The following LARGE1 variants were observed in gnomAD, a reference collection of about 807,000 sequenced individuals.
The protein encoded by LARGE1 is LARGE xylosyl- and glucuronyltransferase 1, also known as xylosyl- and glucuronyltransferase LARGE1.
LARGE1 carries 43 observed loss-of-function variants against 87.6 expected under a neutral mutation model. The observed-to-expected ratio is 0.49, with a 90% CI of 0.38 to 0.63. The LOEUF (loss-of-function observed/expected upper bound fraction) is 0.63. LARGE1 is among the 30% of genes least tolerant of loss of function. LARGE1 has a pLI of 0.00. For synonymous variants in LARGE1, 434 were observed against 394.6 expected (o/e 1.10, Z -1.18); for missense variants, 802 against 1,000.2 (o/e 0.80, Z 2.67).
chr22:33,462,910 T>G (rs1262293738), intron 6 of LARGE1, among the ~76,000 whole-genome samples: 3 of 152,222 alleles, frequency 2.0e-5, no homozygotes, highest in Non-Finnish European at 4.4e-5. Context: ...AAGGAGGCGA[T>G]TAAACTTTCT....
intron 5 of LARGE1, among the ~76,000 whole-genome samples, chr22:33,600,875 G>A (rs2079095538): frequency 6.6e-6 from 1 of 152,088 alleles, no homozygotes; most frequent in Admixed American, 6.5e-5. Flanking sequence ...GACCAACCTG[G>A]CCAACTTGGT....
At chr22:33,327,802 C>CA (rs1246053762) in intron 10 of LARGE1, among the ~76,000 whole-genome samples, 3 of 152,178 alleles carry the variant, frequency 2.0e-5, no homozygotes, top group Non-Finnish European at 4.4e-5. Context: ...CTCAGCCTCT[C>CA]AAAGTGCTGG....
chr22:33,710,099 C>G (rs1313878578), intron 2 of LARGE1, among the ~76,000 whole-genome samples: 1 of 151,402 alleles, frequency 6.6e-6, no homozygotes, highest in Non-Finnish European at 1.5e-5. Context: ...GTTTGAGTAG[C>G]TATACGAGCA....
At chr22:33,778,921 G>T (rs950794132) in intron 1 of LARGE1, among the ~76,000 whole-genome samples, 2 of 152,248 alleles carry the variant, frequency 1.3e-5, no homozygotes, top group South Asian at 4.1e-4. Flanking sequence ...AAAGTGCTGG[G>T]ATTACCAGCG....
intron 2 of LARGE1, among the ~76,000 whole-genome samples, chr22:33,708,623 CAG>C (rs2056096469): frequency 1.3e-5 from 2 of 152,206 alleles, no homozygotes; most frequent in South Asian, 4.1e-4. Flanking sequence ...GTGTAGGAGA[CAG>C]AGTCTCGCTC....
chr22:33,129,982 T>G, the LARGE1 span, among the ~76,000 whole-genome samples: 1 of 152,156 alleles, frequency 6.6e-6, no homozygotes, highest in Non-Finnish European at 1.5e-5. Context: ...TAAAAGCGTA[T>G]GTGAGCTCTA....
the LARGE1 span, chr22:33,110,710 A>C: frequency 6.6e-6 from 1 of 151,926 alleles, no homozygotes; most frequent in African/African-American, 2.4e-5. Flanking sequence ...AACTGGGGCT[A>C]CTCCCCAATC....
intron 7 of LARGE1, among the ~76,000 whole-genome samples, chr22:33,388,851 G>T (rs1341385406): frequency 4.0e-5 from 6 of 151,624 alleles, no homozygotes; most frequent in Non-Finnish European, 8.8e-5. Context: ...TTACAGGTGT[G>T]AGCCACCACG....
chr22:33,830,357 C>T (rs562893170), intron 1 of LARGE1, among the ~76,000 whole-genome samples: 12 of 152,270 alleles, frequency 7.9e-5, no homozygotes, highest in Non-Finnish European at 1.8e-4. Context: ...AGGGAGCTGG[C>T]TGCTGTCGAG....
At chr22:33,918,005 G>T (rs1601915284) in intron 1 of LARGE1, among the ~76,000 whole-genome samples, 2 of 152,134 alleles carry the variant, frequency 1.3e-5, no homozygotes, top group African/African-American at 2.4e-5. Context: ...ACTGTAGGTG[G>T]CTGAAGGATG....
At chr22:33,921,869 G>A (rs1008586899), upstream of LARGE1, among the ~76,000 whole-genome samples, 1 of 152,036 alleles carries the variant, frequency 6.6e-6, no homozygotes, top group Non-Finnish European at 1.5e-5. This position sits in a 1 kb window ranked among gnomAD's most constrained non-coding sequence, Gnocchi z 4.1. Flanking sequence ...ACAGGAGCGG[G>A]GGTGTGAGAA....
intron 4 of LARGE1, among the ~76,000 whole-genome samples, chr22:33,616,604 T>C (rs1031658923): frequency 1.3e-5 from 2 of 151,834 alleles, no homozygotes; most frequent in African/African-American, 4.8e-5. Context: ...CAATGGGGTA[T>C]ATTCATACAA....
intron 1 of LARGE1, among the ~76,000 whole-genome samples, chr22:33,903,318 T>A (rs1282501445): frequency 6.6e-6 from 1 of 152,170 alleles, no homozygotes; most frequent in Non-Finnish European, 1.5e-5. Flanking sequence ...AACACCCTGA[T>A]CTCAGACTTC....
chr22:33,832,404 C>CCAAAACA (rs2062996311), intron 1 of LARGE1, among the ~76,000 whole-genome samples: 1 of 152,104 alleles, frequency 6.6e-6, no homozygotes, highest in Non-Finnish European at 1.5e-5. Flanking sequence ...GTACAGAGGT[C>CCAAAACA]CAAAACACAA....
the LARGE1 span, among the ~76,000 whole-genome samples, chr22:33,118,227 A>G: frequency 6.6e-6 from 1 of 152,184 alleles, no homozygotes; most frequent in Admixed American, 6.5e-5. Flanking sequence ...TCATGCCTAT[A>G]ATTCCAGCAG....
At chr22:33,188,108 T>C (rs902860880) in intron 11 of LARGE1, among the ~76,000 whole-genome samples, 14 of 151,852 alleles carry the variant, frequency 9.2e-5, no homozygotes, top group East Asian at 1.9e-4. Flanking sequence ...TCAACTTATA[T>C]GCATCAATTA....
intron 5 of LARGE1, among the ~76,000 whole-genome samples, chr22:33,585,328 C>T (rs930769676): frequency 2.6e-5 from 4 of 152,164 alleles, no homozygotes; most frequent in Admixed American, 2.6e-4. Flanking sequence ...TGAAAACACA[C>T]AGACACACAC....
chr22:33,772,744 T>C (rs564757642), intron 1 of LARGE1, among the ~76,000 whole-genome samples: 2 of 152,204 alleles, frequency 1.3e-5, no homozygotes, highest in South Asian at 2.1e-4. Flanking sequence ...GCTTAATCGC[T>C]GCTGCGCCCA....
At chr22:33,898,962 T>C (rs999771465) in intron 1 of LARGE1, among the ~76,000 whole-genome samples, 1 of 152,182 alleles carries the variant, frequency 6.6e-6, no homozygotes, top group Non-Finnish European at 1.5e-5. Context: ...AGTGACAGGA[T>C]GTGCTATTTA....
Sources: gnomAD v4.1 joint callset for allele counts (sites outside exome capture counted in the v4.1 genomes callset) on GRCh38, gnomAD v4.1.1 for gene constraint, Gnocchi (gnomAD v3.1) non-coding constraint, MANE v1.5 for transcripts, NCBI Gene and HGNC (gene_info 2026-07-23, HGNC 2026-07-21) for gene names.